CAMK1D: variants seen among roughly 807,000 people sequenced by gnomAD.
CAMK1D encodes the protein calcium/calmodulin dependent protein kinase ID, also known as calcium/calmodulin-dependent protein kinase type 1D.
In CAMK1D, 9 loss-of-function variants were observed where a neutral mutation model predicts 47.7. The observed-to-expected ratio is 0.19, with a 90% confidence interval of 0.11 to 0.33. The LOEUF is 0.33. Among genes scored for constraint, CAMK1D ranks in the 10% least tolerant of loss-of-function variants. The probability of loss-of-function intolerance (pLI) is 1.00; values close to 1 mark genes in which losing one functional copy is unlikely to be tolerated. For missense variants in CAMK1D, 291 were observed against 488.7 expected (o/e 0.60, Z 3.81); for synonymous variants, 184 against 184.9 (o/e 0.99, Z 0.04).
At chr10:12,517,258 T>C (rs886633848) in intron 1 of CAMK1D, among the ~76,000 whole-genome samples, 3 of 152,232 alleles carry the variant, frequency 2.0e-5, no homozygotes, top group African/African-American at 7.2e-5. Context: ...TTAATAGTTC[T>C]AGATGCTTTT....
chr10:12,438,326 G>T (rs574797311), intron 1 of CAMK1D, among the ~76,000 whole-genome samples: 7 of 152,228 alleles, frequency 4.6e-5, no homozygotes, highest in African/African-American at 7.2e-5. Context: ...AGCTGCCCTT[G>T]GTGTCTTTTT....
At chr10:12,478,229 C>T (rs962373323) in intron 1 of CAMK1D, among the ~76,000 whole-genome samples, 1 of 151,894 alleles carries the variant, frequency 6.6e-6, no homozygotes, top group African/African-American at 2.4e-5. Context: ...AGGATGGTCT[C>T]GATCTCCTGA....
intron 3 of CAMK1D, 161 bp downstream of exon 3, chr10:12,666,971 G>A: frequency 6.4e-6 from 4 of 625,172 alleles, no homozygotes; most frequent in Non-Finnish European, 1.1e-5. Flanking sequence ...ACTAAAGACG[G>A]TGGGCTGCAC....
At position 12,720,963 on chromosome 10, in the gene CAMK1D, C is replaced by T. The variant is rs561560263; in HGVS notation, c.300-39985C>T. The stretch of plus-strand genomic sequence containing the variant: ...TTCTGGAATTGGTGAATCCATTCAG[C>T]GGAGACTCTTGACAAGGCTTTGTGT... On this transcript the variant is annotated intron_variant, in intron 3 of 10. Transcript: ENST00000619168. Among the ~76,000 whole-genome samples, 11 of 152,274 alleles carry T rather than the reference C, an allele frequency of 7.2e-5. No individual in the cohort carries two copies. The East Asian group carries it at 1.9e-3, about 27-fold the overall frequency.
intron 1 of CAMK1D, among the ~76,000 whole-genome samples, chr10:12,383,343 A>G (rs78481701): frequency 0.013 from 1,909 of 152,228 alleles, 37 homozygotes; most frequent in African/African-American, 0.035. Context: ...GAACTCAGGG[A>G]ATGTCGAAGC....
Position 12,462,055 on chromosome 10 carries a change from A to G in CAMK1D, c.93-91170A>G, listed in dbSNP as rs1833444617. On this transcript the variant is annotated intron_variant, in intron 1 of 10. Transcript: ENST00000619168. Reference sequence around the variant, plus strand: ...AGCGAAAGAATGAGTGCGTGCTCCTAAGAGTTTGTGTTCTGTCGAAGTCCA... The same window carrying G: ...AGCGAAAGAATGAGTGCGTGCTCCTGAGAGTTTGTGTTCTGTCGAAGTCCA... 2.0e-5 allele frequency among the ~76,000 whole-genome samples: 3 copies of G among 151,974 alleles called. No homozygotes were observed. The South Asian group carries it at 6.2e-4, about 32-fold the overall frequency.
At chr10:12,607,717 CTGGGAGGCCGCAG>C (rs1838503148) in intron 2 of CAMK1D, among the ~76,000 whole-genome samples, 1 of 152,084 alleles carries the variant, frequency 6.6e-6, no homozygotes, top group Non-Finnish European at 1.5e-5. Flanking sequence ...TCCCAGCACT[CTGGGAGGCCGCAG>C]TGGGAGGATC....
At chr10:12,791,099 T>C (rs1461100329) in intron 5 of CAMK1D, 59 bp from the exon 6 acceptor site, 3 of 1,526,696 alleles carry the variant, frequency 2.0e-6, no homozygotes, top group African/African-American at 1.4e-5. Context: ...CCCCAAAAAC[T>C]GTCTTCAGTC....
intron 3 of CAMK1D, among the ~76,000 whole-genome samples, chr10:12,693,665 C>G (rs1466869187): frequency 6.6e-6 from 1 of 151,230 alleles, no homozygotes; most frequent in African/African-American, 2.4e-5. Context: ...GAGTTTCCAG[C>G]CTACCTGGCC....
chr10:12,789,726 A>G lies in CAMK1D; in HGVS notation c.566-1432A>G, dbSNP rs141708698. Among the ~76,000 whole-genome samples, 914 of 152,322 alleles carry G rather than the reference A, an allele frequency of 6.0e-3. 2 individuals carry two copies. The highest frequency in any genetic ancestry group is 0.014 in the Middle Eastern group (4 of 294). The stretch of plus-strand genomic sequence containing the variant: ...ATTTGGGAATAATAGTGACCATGCT[A>G]CCAGCACTTCCTGTCAAGGATTGTT... On this transcript the variant is annotated intron_variant, in intron 5 of 10. Coordinates refer to ENST00000619168, the MANE Select transcript of CAMK1D (RefSeq NM_153498.4).
Position 12,651,068 on chromosome 10 carries a change from C to T in CAMK1D, c.225-15668C>T, listed in dbSNP as rs1191323801. Among the ~76,000 whole-genome samples, 9 of 152,158 alleles carry T rather than the reference C, an allele frequency of 5.9e-5. No individual in the cohort carries two copies. The South Asian group carries it at 1.7e-3, about 28-fold the overall frequency. On this transcript the variant is annotated intron_variant, in intron 2 of 10. Transcript: ENST00000619168. ...GCTTTTGCCGGCTTTTTACGATTTA[C>T]GGCACTTTGCTCCCACCTCCTCCTT...
intron 1 of CAMK1D, among the ~76,000 whole-genome samples, chr10:12,478,507 A>T (rs763307554): frequency 1.3e-5 from 2 of 151,096 alleles, no homozygotes; most frequent in Non-Finnish European, 3.0e-5. Context: ...GTGTCTCTTT[A>T]TGTTGCCCAG....
intron 1 of CAMK1D, among the ~76,000 whole-genome samples, chr10:12,412,194 G>T (rs1839679685): frequency 1.3e-5 from 2 of 152,198 alleles, no homozygotes; most frequent in Admixed American, 6.5e-5. Flanking sequence ...AACCCCACCT[G>T]TAGTGTGAGC....
intron 1 of CAMK1D, among the ~76,000 whole-genome samples, chr10:12,485,511 G>T (rs1272796029): frequency 6.6e-6 from 1 of 152,196 alleles, no homozygotes; most frequent in Non-Finnish European, 1.5e-5. Context: ...GAGGAGAGGG[G>T]AGGGCTGGTC....
intron 1 of CAMK1D, among the ~76,000 whole-genome samples, chr10:12,422,188 A>G (rs1435586646): frequency 6.6e-6 from 1 of 151,840 alleles, no homozygotes; most frequent in East Asian, 1.9e-4. Context: ...TTCAGGAGTG[A>G]TTTTTTCATT....
rs576258251 is a variant in CAMK1D at position 12,470,224 on chromosome 10, G to A, written c.93-83001G>A. On this transcript the variant is annotated intron_variant, in intron 1 of 10. Transcript: ENST00000619168. ...TGGCTTTCTATATGGTATATTTAGGGCAGCTTTTTTAAATTTAGGAAAGTG... is the reference window on the plus strand; with the variant it reads ...TGGCTTTCTATATGGTATATTTAGGACAGCTTTTTTAAATTTAGGAAAGTG... Among the ~76,000 whole-genome samples, 7 of 152,174 alleles carry A rather than the reference G, an allele frequency of 4.6e-5. No homozygotes were observed. The East Asian group carries it at 1.4e-3, about 29-fold the overall frequency.
In CAMK1D at chr10:12,791,822, G is replaced by A. The variant is rs141084413; in HGVS notation, c.641+589G>A. Among the ~76,000 whole-genome samples the A allele has an allele frequency of 8.5e-5, 13 of 152,194 alleles. No individual in the cohort carries two copies. The East Asian group carries it at 2.5e-3, about 29-fold the overall frequency. ...TTAAATCCCTGCCTTCACTTCTTTG[G>A]GGTTTCTATCTAGAAGTGGAATTGC... is the stretch of plus-strand genomic sequence containing the variant. On this transcript the variant is annotated intron_variant, in intron 6 of 10. Coordinates refer to ENST00000619168, the MANE Select transcript of CAMK1D (RefSeq NM_153498.4).
intron 1 of CAMK1D, among the ~76,000 whole-genome samples, chr10:12,499,165 A>G (rs1373283454): frequency 6.6e-6 from 1 of 151,726 alleles, no homozygotes; most frequent in Non-Finnish European, 1.5e-5. Flanking sequence ...AGGAATGGAA[A>G]TGAGACCAGG....
chr10:12,428,877 G>C (rs1439230072), intron 1 of CAMK1D, among the ~76,000 whole-genome samples: 2 of 152,200 alleles, frequency 1.3e-5, no homozygotes, highest in African/African-American at 4.8e-5. Context: ...CACTGTGTCA[G>C]GATACAGCAA....
Sources: allele counts gnomAD v4.1 joint callset (sites outside exome capture counted in the v4.1 genomes callset), GRCh38; gene constraint gnomAD v4.1.1; transcripts MANE v1.5; gene names NCBI Gene and HGNC (gene_info 2026-07-23, HGNC 2026-07-21).